CDK12: variants seen among roughly 807,000 people sequenced by gnomAD.
The protein encoded by CDK12 is cyclin-dependent kinase 12.
In CDK12, 17 loss-of-function variants were observed where a neutral mutation model predicts 133.8. That is an observed-to-expected ratio of 0.13 (90% confidence interval 0.09 to 0.19). CDK12 has a LOEUF of 0.19. Among genes scored for constraint, CDK12 ranks in the 10% least tolerant of loss-of-function variants. CDK12 has a pLI of 1.00. For synonymous variants in CDK12, 694 were observed against 683.6 expected, an observed-to-expected ratio of 1.02 and a Z score of -0.24; for missense variants, 1,508 against 1,818.7, an observed-to-expected ratio of 0.83 and a Z score of 3.11.
rs2145915881 is a variant in CDK12, at chr17:39,494,625, C to G, written c.2350C>G (p.Arg784Gly). Residue 784 changes from arginine (R) to glycine (G), a missense_variant, in exon 5 of 14, where the codon CGA becomes GGA. By Grantham distance (125) the Arg-to-Gly change is moderately radical. This residue lies in a region of CDK12 where 74 missense variants were observed against 160.2 expected (regional missense o/e 0.46). Transcript: ENST00000447079. ...EIKILRQLIH[R>G]SVVNMKEIVT... Reference sequence around the variant, plus strand: ...CAAAATCCTTCGTCAGTTAATCCACCGAAGTGTTGTTAACATGAAGGAAAT... The same window carrying G: ...CAAAATCCTTCGTCAGTTAATCCACGGAAGTGTTGTTAACATGAAGGAAAT... The G allele has an allele frequency of 2.5e-6, 4 of 1,609,710 alleles. No individual in the cohort carries two copies. In the South Asian group the frequency reaches 4.4e-5, roughly 18 times the overall value.
intron 2 of CDK12, among the ~76,000 whole-genome samples, chr17:39,474,507 G>A (rs1567692864): frequency 6.6e-6 from 1 of 152,012 alleles, no homozygotes; most frequent in Non-Finnish European, 1.5e-5. Flanking sequence ...TAGACATGGG[G>A]TTACATCATG....
intron 5 of CDK12, among the ~76,000 whole-genome samples, chr17:39,495,123 G>A (rs2051972062): frequency 6.6e-6 from 1 of 151,986 alleles, no homozygotes; most frequent in South Asian, 2.1e-4. Flanking sequence ...CTGTCGCCCA[G>A]GCTGGATTGC....
chr17:39,517,038 A>G (rs1287924589), intron 9 of CDK12, among the ~76,000 whole-genome samples: 1 of 152,126 alleles, frequency 6.6e-6, no homozygotes, highest in African/African-American at 2.4e-5. Context: ...ATTATCTCTC[A>G]AAATTTTCAG....
intron 6 of CDK12, among the ~76,000 whole-genome samples, chr17:39,505,751 A>T (rs1029251437): frequency 2.0e-5 from 3 of 152,276 alleles, no homozygotes; most frequent in African/African-American, 2.4e-5. Flanking sequence ...AATAAAAAAC[A>T]GTGTTTGCAG....
In CDK12 at chr17:39,531,288, G is replaced by A. The variant is rs750985153; in HGVS notation, c.4445G>A (p.Gly1482Glu). 11 of 1,494,348 alleles carry A rather than the reference G, an allele frequency of 7.4e-6. No individual in the cohort carries two copies. Among genetic ancestry groups the A allele is most frequent in the South Asian group, 2.9e-5 (2 of 68,906 alleles). The allele number at this position is 1,494,348 out of a possible 1,614,324, so 92.6% of individuals were successfully genotyped here. A position where few individuals can be genotyped will look rare whatever the true frequency, so the allele number is the denominator to read the frequency against. The part of the protein sequence containing the change: ...YRGPTRVPPR[G>E]GRGRGVPY ...GGGCCTACAAGAGTCCCACCAAGAG[G>A]GGGAAGAGGGAGAGGAGTTCCTTAC... Residue 1482 changes from glycine to glutamate, a missense_variant, in exon 14 of 14, where the codon GGG becomes GAG. Physicochemically the swap from Gly to Glu is moderately conservative, Grantham distance 98. Around this residue, in one of 9 missense-constraint regions of CDK12, gnomAD observed 114 missense variants for 101.2 expected, o/e 1.13. Coordinates refer to ENST00000447079, the MANE Select transcript of CDK12 (RefSeq NM_016507.4).
chr17:39,491,623 A>C (rs1717443373), intron 3 of CDK12, among the ~76,000 whole-genome samples: 1 of 152,032 alleles, frequency 6.6e-6, no homozygotes, highest in South Asian at 2.1e-4. Flanking sequence ...GAAAGCAAGC[A>C]ACTAATCTAT....
At chr17:39,491,252 T>C (rs1323089652) in intron 3 of CDK12, among the ~76,000 whole-genome samples, 8 of 152,202 alleles carry the variant, frequency 5.3e-5, no homozygotes, top group African/African-American at 1.9e-4. Flanking sequence ...ATACACATTT[T>C]TGAGACAGAG....
At chr17:39,566,689 C>T (rs188737337), downstream of CDK12, among the ~76,000 whole-genome samples, 1 of 152,270 alleles carries the variant, frequency 6.6e-6, no homozygotes, top group African/African-American at 2.4e-5. Flanking sequence ...AGCCCCCCTC[C>T]CCAACTCCCC....
At chr17:39,483,814 C>G (rs935359085) in intron 2 of CDK12, among the ~76,000 whole-genome samples, 5 of 151,514 alleles carry the variant, frequency 3.3e-5, no homozygotes, top group African/African-American at 1.2e-4. Context: ...GCCACCACCC[C>G]TGGCGTAAAT....
At chr17:39,542,477 C>T (rs1371885022) in intron 1 of CDK12, among the ~76,000 whole-genome samples, 4 of 151,728 alleles carry the variant, frequency 2.6e-5, no homozygotes, top group Non-Finnish European at 4.4e-5. Context: ...AGGCGTGAGC[C>T]ACCGCGCCCA....
chr17:39,522,432 G>C (rs1038779828), intron 11 of CDK12, among the ~76,000 whole-genome samples: 3 of 150,222 alleles, frequency 2.0e-5, no homozygotes, highest in Non-Finnish European at 1.5e-5. Flanking sequence ...AGTTTTTTTT[G>C]TTGTTTTTGT....
In CDK12 at chr17:39,531,529, A is replaced by G. The variant is rs1262237036; in HGVS notation, c.*213A>G. 5.0e-5 allele frequency: 21 copies of G among 417,950 alleles called. 1 individual carries two copies. In the South Asian group the frequency reaches 2.2e-3, roughly 43 times the overall value. The allele number at this position is 417,950 out of a possible 1,614,324, so 25.9% of individuals were successfully genotyped here. On this transcript the variant is annotated 3_prime_UTR_variant, in exon 14 of 14. Coordinates refer to ENST00000447079, the MANE Select transcript of CDK12 (RefSeq NM_016507.4). Reference sequence around the variant, plus strand: ...AGTTCCCCCTGGATGGGCTATAGCCAGAACATTTACTTCAACTCTACCTTA... The same window carrying G: ...AGTTCCCCCTGGATGGGCTATAGCCGGAACATTTACTTCAACTCTACCTTA...
chr17:39,520,545 C>T (rs976227560), intron 11 of CDK12, among the ~76,000 whole-genome samples: 2 of 152,014 alleles, frequency 1.3e-5, no homozygotes, highest in African/African-American at 4.8e-5. Flanking sequence ...CACACACCAC[C>T]ACACCCAGCT....
At chr17:39,511,768 G>A (rs2053520360) in intron 8 of CDK12, 138 bp downstream of exon 8, 1 of 440,802 alleles carries the variant, frequency 2.3e-6, no homozygotes, top group African/African-American at 2.0e-5. Flanking sequence ...AGATTTCCGG[G>A]AAATCTGTTG....
Position 39,526,284 on chromosome 17 carries a change from G to C in CDK12, c.3728G>C (p.Arg1243Thr). The C allele has an allele frequency of 1.2e-6, 2 of 1,600,930 alleles. No homozygotes were observed. Among genetic ancestry groups the C allele is most frequent in the Non-Finnish European group, 1.7e-6 (2 of 1,174,396 alleles). The stretch of plus-strand genomic sequence containing the variant: ...AACAGTGGGCCACAGGGGCCCCGAA[G>C]AACTCCCACAATGCCACAGGAGGAG... The part of the protein sequence containing the change: ...DKNSGPQGPR[R>T]TPTMPQEEAA... Residue 1243 changes from arginine (R) to threonine (T), a missense_variant, in exon 13 of 14, where the codon AGA becomes ACA. By Grantham distance (71) the Arg-to-Thr change is moderately conservative (BLOSUM62 -1). Around this residue, in one of 9 missense-constraint regions of CDK12, gnomAD observed 399 missense variants for 469.6 expected, o/e 0.85. Coordinates refer to ENST00000447079, the MANE Select transcript of CDK12 (RefSeq NM_016507.4).
In CDK12 at chr17:39,471,164, T is replaced by C; in HGVS notation, c.1332T>C (p.Ser444=). ...AGGCTAAGGATTCAGGTTTGGAGTC[T>C]AAAAAGTTACCCAGAAGTGTAAAAT... ...SVEAKDSGLE[S]KKLPRSVKLE... is the part of the protein sequence containing the mutation. Residue 444 remains serine, a synonymous_variant, in exon 2 of 14, where the codon TCT becomes TCC. Coordinates refer to ENST00000447079, the MANE Select transcript of CDK12 (RefSeq NM_016507.4). The C allele has an allele frequency of 2.5e-6, 4 of 1,581,346 alleles. No individual in the cohort carries two copies. The highest frequency in any genetic ancestry group is 3.4e-6 in the Non-Finnish European group (4 of 1,168,302).
intron 2 of CDK12, among the ~76,000 whole-genome samples, chr17:39,552,895 AT>A (rs2056011288): frequency 6.6e-6 from 1 of 151,936 alleles, no homozygotes; most frequent in African/African-American, 2.4e-5. Context: ...TGCCTGGCTA[AT>A]TTTTGTATTT....
chr17:39,512,280 T>C (rs1266825793), intron 8 of CDK12, among the ~76,000 whole-genome samples: 1 of 152,164 alleles, frequency 6.6e-6, no homozygotes. Context: ...TAGCAAATTG[T>C]AAATGGATTA....
chr17:39,469,387 T>C (rs1421733170), intron 1 of CDK12, among the ~76,000 whole-genome samples: 1 of 152,226 alleles, frequency 6.6e-6, no homozygotes, highest in Non-Finnish European at 1.5e-5. Flanking sequence ...GTTCTAAAAG[T>C]TATTTTGGTA....
Sources: gnomAD v4.1 joint callset for allele counts (sites outside exome capture counted in the v4.1 genomes callset) on GRCh38, gnomAD v4.1.1 for gene constraint, gnomAD v4.1.1 regional missense constraint, MANE v1.5 for transcripts, NCBI Gene and HGNC (gene_info 2026-07-23, HGNC 2026-07-21) for gene names.